IPCEF1: variants seen among roughly 807,000 people sequenced by gnomAD.
IPCEF1 encodes interaction protein for cytohesin exchange factors 1.
IPCEF1 carries 31 observed loss-of-function variants against 50.9 expected under a neutral mutation model. The ratio of observed to expected loss-of-function variants is 0.61; its 90% CI spans 0.46 to 0.82. The LOEUF (loss-of-function observed/expected upper bound fraction) is 0.82. Among genes scored for constraint, IPCEF1 ranks in the 40% least tolerant of loss-of-function variants. The probability of loss-of-function intolerance (pLI) is 0.00; values close to 1 mark genes in which losing one functional copy is unlikely to be tolerated. For synonymous variants in IPCEF1, 181 were observed against 192.0 expected (o/e 0.94, Z 0.47); for missense variants, 458 against 514.0 (o/e 0.89, Z 1.05).
intron 2 of IPCEF1, among the ~76,000 whole-genome samples, chr6:154,273,855 G>C (rs1402204846): frequency 2.1e-5 from 3 of 145,552 alleles, no homozygotes; most frequent in Admixed American, 1.4e-4. Flanking sequence ...CCGGGTTCAC[G>C]GCATTCTCCT....
chr6:154,325,298 T>C (rs1783492218), intron 1 of IPCEF1, among the ~76,000 whole-genome samples: 1 of 152,184 alleles, frequency 6.6e-6, no homozygotes, highest in African/African-American at 2.4e-5. Flanking sequence ...TGCATATCCA[T>C]AGATACACAT....
At chr6:154,334,014 A>C (rs939362045) in intron 1 of IPCEF1, among the ~76,000 whole-genome samples, 1 of 152,084 alleles carries the variant, frequency 6.6e-6, no homozygotes, top group African/African-American at 2.4e-5. Flanking sequence ...GAAATGAGAA[A>C]AGCTGAAACA....
chr6:154,352,283 G>A (rs966568546), intron 1 of IPCEF1, among the ~76,000 whole-genome samples: 14 of 152,158 alleles, frequency 9.2e-5, no homozygotes, highest in South Asian at 2.1e-4. Flanking sequence ...AGCATTCCAC[G>A]TATGAAATAT....
intron 10 of IPCEF1, among the ~76,000 whole-genome samples, chr6:154,195,349 A>ATGT: frequency 6.6e-6 from 1 of 151,946 alleles, no homozygotes; most frequent in African/African-American, 2.4e-5. Context: ...GGGTTTCACC[A>ATGT]TGTTAGCCAG....
At chr6:154,349,667 G>A (rs1306084980) in intron 1 of IPCEF1, among the ~76,000 whole-genome samples, 5 of 151,918 alleles carry the variant, frequency 3.3e-5, no homozygotes, top group Admixed American at 6.6e-5. Flanking sequence ...CCTCTCTGGC[G>A]TTACAGATCA....
chr6:154,345,675 G>C (rs550552852), intron 1 of IPCEF1, among the ~76,000 whole-genome samples: 1 of 152,094 alleles, frequency 6.6e-6, no homozygotes, highest in Non-Finnish European at 1.5e-5. Context: ...ATTCTTCACA[G>C]TATTTAATAA....
At chr6:154,171,579 A>C (rs1427770243) in intron 10 of IPCEF1, among the ~76,000 whole-genome samples, 2 of 152,212 alleles carry the variant, frequency 1.3e-5, no homozygotes, top group African/African-American at 4.8e-5. Flanking sequence ...AATATACTAA[A>C]AACCAATGAA....
intron 2 of IPCEF1, among the ~76,000 whole-genome samples, chr6:154,273,724 C>CTTTTTTTTCTT (rs1781961915): frequency 1.6e-5 from 1 of 63,316 alleles, no homozygotes; most frequent in African/African-American, 5.6e-5. Flanking sequence ...TTCTTTCTTT[C>CTTTTTTTTCTT]TTTTTTTTTT....
At chr6:154,198,785 G>A (rs1776839712) in intron 10 of IPCEF1, among the ~76,000 whole-genome samples, 1 of 152,088 alleles carries the variant, frequency 6.6e-6, no homozygotes, top group Admixed American at 6.5e-5. Context: ...TAGAGGAGAG[G>A]AGAGAGCAGT....
chr6:154,175,898 A>G (rs1800283259), intron 10 of IPCEF1, among the ~76,000 whole-genome samples: 1 of 152,220 alleles, frequency 6.6e-6, no homozygotes, highest in African/African-American at 2.4e-5. Context: ...AATATCCCTG[A>G]TGAACATTGA....
chr6:154,323,477 C>CGTTTATTTAGTATTTACAAATAAAA (rs564164947), intron 1 of IPCEF1, among the ~76,000 whole-genome samples: 1 of 152,076 alleles, frequency 6.6e-6, no homozygotes, highest in Non-Finnish European at 1.5e-5. Context: ...TACAAATAAA[C>CGTTTATTTAGTATTTACAAATAAAA]GTTTATTTAG....
At chr6:154,214,136 G>C (rs1778191576) in intron 8 of IPCEF1, 82 bp downstream of exon 8, 4 of 905,946 alleles carry the variant, frequency 4.4e-6, no homozygotes, top group South Asian at 2.6e-5. Context: ...ACTATACATA[G>C]AACTTGACAT....
chr6:154,209,285 CT>C (rs1777763726), intron 9 of IPCEF1, among the ~76,000 whole-genome samples: 2 of 152,210 alleles, frequency 1.3e-5, no homozygotes, highest in African/African-American at 4.8e-5. Flanking sequence ...ATTTTTGCCC[CT>C]AGGCTTGTAT....
At chr6:154,328,778 C>T (rs1783585261) in intron 1 of IPCEF1, among the ~76,000 whole-genome samples, 1 of 152,102 alleles carries the variant, frequency 6.6e-6, no homozygotes, top group African/African-American at 2.4e-5. Flanking sequence ...CAGATGAAGT[C>T]AATGGTTCCT....
chr6:154,167,062 T>C (rs1008445553), intron 11 of IPCEF1, among the ~76,000 whole-genome samples: 1 of 152,236 alleles, frequency 6.6e-6, no homozygotes, highest in Admixed American at 6.5e-5. Context: ...TTTGTAGCCT[T>C]GTCCTTTCAA....
At chr6:154,354,096 C>T (rs957461790) in intron 1 of IPCEF1, among the ~76,000 whole-genome samples, 10 of 152,158 alleles carry the variant, frequency 6.6e-5, no homozygotes, top group Non-Finnish European at 1.2e-4. Context: ...TATTTTTAAC[C>T]CTCACACAAC....
chr6:154,225,405 T>A (rs1211756659), intron 5 of IPCEF1, among the ~76,000 whole-genome samples: 1 of 152,248 alleles, frequency 6.6e-6, no homozygotes, highest in African/African-American at 2.4e-5. Flanking sequence ...GGGATATTAT[T>A]CAGCCTTAAA....
At chr6:154,229,305 G>A (rs886131220) in intron 5 of IPCEF1, among the ~76,000 whole-genome samples, 1 of 148,722 alleles carries the variant, frequency 6.7e-6, no homozygotes, top group African/African-American at 2.5e-5. Context: ...ACAATAAAGT[G>A]TTAAAATGAG....
chr6:154,310,928 G>C (rs1783063008), intron 1 of IPCEF1, among the ~76,000 whole-genome samples: 1 of 152,020 alleles, frequency 6.6e-6, no homozygotes, highest in African/African-American at 2.4e-5. Flanking sequence ...AGTAAGTGTT[G>C]GTGTTGTATT....
Sources: allele counts gnomAD v4.1 joint callset (sites outside exome capture counted in the v4.1 genomes callset), GRCh38; gene constraint gnomAD v4.1.1; transcripts MANE v1.5; gene names NCBI Gene and HGNC (gene_info 2026-07-23, HGNC 2026-07-21).